The following SLC2A5 variants were observed in gnomAD, a reference collection of about 807,000 sequenced individuals.
SLC2A5 encodes solute carrier family 2, facilitated glucose transporter member 5.
Under a neutral mutation model 50.3 loss-of-function variants are expected in SLC2A5, and 56 were observed. The observed-to-expected ratio is 1.11, with a 90% confidence interval of 0.90 to 1.39. The LOEUF (loss-of-function observed/expected upper bound fraction) is 1.39. SLC2A5 is among the 40% of genes most tolerant of loss of function. The pLI is 0.00. For missense variants in SLC2A5, 566 were observed against 650.1 expected (o/e 0.87, Z 1.41); for synonymous variants, 269 against 281.9 (o/e 0.95, Z 0.46).
upstream of SLC2A5, chr1:9,071,919 C>CGGATCCCCCTCGGCCTCTGCCTCAGCCT (rs1431234779): frequency 1.2e-5 from 2 of 160,992 alleles, no homozygotes; most frequent in Admixed American, 1.3e-4. Context: ...TGCCTCAGCC[C>CGGATCCCCCTCGGCCTCTGCCTCAGCCT]GGGTCCCCCT....
intron 3 of SLC2A5, among the ~76,000 whole-genome samples, chr1:9,053,313 TTGTATTTATATATTATATATTTATATAC>T (rs1641649683): frequency 6.6e-4 from 6 of 9,082 alleles, no homozygotes; most frequent in South Asian, 3.5e-3. Context: ...TATTTATATA[TTGTATTTATATATTATATATTTATATAC>T]TATATATATT....
upstream of SLC2A5, among the ~76,000 whole-genome samples, chr1:9,091,195 C>T (rs1642458209): frequency 6.6e-6 from 1 of 152,210 alleles, no homozygotes; most frequent in African/African-American, 2.4e-5. Flanking sequence ...CAACTACTTA[C>T]TCCCATCCCA....
intron 1 of SLC2A5, among the ~76,000 whole-genome samples, chr1:9,060,228 T>TAC (rs146421589): frequency 1.5e-4 from 16 of 104,654 alleles, no homozygotes; most frequent in Non-Finnish European, 2.2e-4. Flanking sequence ...TAACAAACAA[T>TAC]ACACACACAC....
rs761369914 is a variant in SLC2A5 at position 9,036,108 on chromosome 1, C to T, written c.*1478G>A. 1 of 152,208 alleles carries T rather than the reference C, an allele frequency of 6.6e-6. No individual in the cohort carries two copies. Among genetic ancestry groups the T allele is most frequent in the Admixed American group, 6.5e-5 (1 of 15,280 alleles). 9.4% of individuals were successfully genotyped at this position (152,208 alleles called of 1,614,324 possible). A position where few individuals can be genotyped will look rare whatever the true frequency, so the allele number is the denominator to read the frequency against. On this transcript the variant is annotated 3_prime_UTR_variant, in exon 12 of 12. Transcript: ENST00000377424. ...TTCCCTTCCTCCCCCACCACAGTCT[C>T]AAGATTTTAAGACTCCTCAAGATTT...
Position 9,041,945 on chromosome 1 carries a change from G to A in SLC2A5, c.419-8C>T. The A allele has an allele frequency of 6.3e-7, 1 of 1,580,502 alleles. No individual in the cohort carries two copies. The highest frequency in any genetic ancestry group is 1.9e-5 in the Admixed American group (1 of 53,088). ...CCACGTTGGAAGATACACCTGGGAG[G>A]AGGTGAAATAGAAACACCATCAGAA... On this transcript the variant is annotated splice_region_variant and splice_polypyrimidine_tract_variant and intron_variant, in intron 4 of 11. Transcript: ENST00000377424.
At chr1:9,049,113 A>G in intron 3 of SLC2A5, 1 of 456,222 alleles carries the variant, frequency 2.2e-6, no homozygotes, top group Non-Finnish European at 4.4e-6. Flanking sequence ...GGAGATCCTG[A>G]CAGAAGCAAA....
At chr1:9,046,714 A>C (rs1219877571) in intron 4 of SLC2A5, among the ~76,000 whole-genome samples, 1 of 151,504 alleles carries the variant, frequency 6.6e-6, no homozygotes, top group Non-Finnish European at 1.5e-5. Context: ...GTGAAACAAA[A>C]GTGGGCAATA....
chr1:9,089,424 A>T (rs1257229756), upstream of SLC2A5, among the ~76,000 whole-genome samples: 1 of 152,210 alleles, frequency 6.6e-6, no homozygotes, highest in African/African-American at 2.4e-5. Context: ...TCTGCCCCAG[A>T]TATCTAGAAA....
At position 9,053,219 on chromosome 1, in the gene SLC2A5, T is replaced by C. The variant is rs1465438651; in HGVS notation, c.293+4229A>G. 4.5e-4 allele frequency among the ~76,000 whole-genome samples: 37 copies of C among 81,754 alleles called. No individual in the cohort carries two copies. The East Asian group carries it at 0.011, about 24-fold the overall frequency. 53.6% of individuals were successfully genotyped at this position (81,754 alleles called of 152,430 possible). A position where few individuals can be genotyped will look rare whatever the true frequency, so the allele number is the denominator to read the frequency against. ...ATTTATATATTATATTTATATATTATATATTTATATTATATATTTATATAT... is the reference window on the plus strand; with the variant it reads ...ATTTATATATTATATTTATATATTACATATTTATATTATATATTTATATAT... On this transcript the variant is annotated intron_variant, in intron 3 of 11. Coordinates refer to ENST00000377424, the MANE Select transcript of SLC2A5 (RefSeq NM_003039.3).
intron 3 of SLC2A5, among the ~76,000 whole-genome samples, chr1:9,052,289 A>G (rs551731888): frequency 1.0e-3 from 154 of 152,316 alleles, no homozygotes; most frequent in South Asian, 3.3e-3. Context: ...GTCTCAAAAA[A>G]AAAGAAAGAA....
At chr1:9,041,735 A>G in intron 5 of SLC2A5, 50 bp downstream of exon 5, 1 of 1,613,922 alleles carries the variant, frequency 6.2e-7, no homozygotes, top group East Asian at 2.2e-5. Flanking sequence ...GGAGGGGGCC[A>G]AGGGTAGTGG....
intron 3 of SLC2A5, among the ~76,000 whole-genome samples, chr1:9,056,572 TCA>T (rs1245668931): frequency 2.0e-5 from 3 of 152,088 alleles, no homozygotes; most frequent in Non-Finnish European, 4.4e-5. Context: ...ATCTGTGACC[TCA>T]CTCAGCCCCA....
At chr1:9,077,276 G>T (rs1405338809) in intron 2 of SLC2A5, among the ~76,000 whole-genome samples, 2 of 151,346 alleles carry the variant, frequency 1.3e-5, no homozygotes, top group African/African-American at 4.8e-5. Context: ...CTGCATGCCT[G>T]TAGTCCCAGC....
chr1:9,039,485 C>T (rs949634973), intron 8 of SLC2A5, 67 bp downstream of exon 8: 9 of 1,219,760 alleles, frequency 7.4e-6, no homozygotes, highest in African/African-American at 1.6e-5. Context: ...TTTGGCGGCG[C>T]CGAGGCTGGG....
intron 5 of SLC2A5, chr1:9,041,257 G>T: frequency 2.5e-6 from 1 of 399,754 alleles, no homozygotes; most frequent in Non-Finnish European, 4.4e-6. Context: ...TGCACCTGCC[G>T]CATGCCAGGC....
rs371167568 is a variant in SLC2A5 at position 9,038,455 on chromosome 1, C to A, written c.1150G>T (p.Val384Phe). The change falls in exon 10 of 12, where the codon GTC (valine) becomes TTC (phenylalanine). Residue 384 changes from valine to phenylalanine, a missense_variant. By Grantham distance (50) the Val-to-Phe change is conservative. Coordinates refer to ENST00000377424, the MANE Select transcript of SLC2A5 (RefSeq NM_003039.3). ...YISIVCVISY[V>F]IGHALGPSPI... ...CTGGGCCCGAGGGCATGTCCTATGA[C>A]GTAGGAGATGACACAGACGATGCTG... 32 of 1,613,594 alleles carry A rather than the reference C, an allele frequency of 2.0e-5. 1 individual carries two copies. The highest frequency in any genetic ancestry group is 1.7e-4 in the Middle Eastern group (1 of 6,058).
Position 9,040,319 on chromosome 1 carries a change from C to T in SLC2A5, c.572-130G>A, listed in dbSNP as rs1641267288. 4 of 1,150,174 alleles carry T rather than the reference C, an allele frequency of 3.5e-6. No homozygotes were observed. The highest frequency in any genetic ancestry group is 4.8e-6 in the Non-Finnish European group (4 of 836,796). 71.2% of individuals were successfully genotyped at this position (1,150,174 alleles called of 1,614,324 possible). A position where few individuals can be genotyped will look rare whatever the true frequency, so the allele number is the denominator to read the frequency against. ...CCAGGAGGGCACAGCTTTCCCAGCCCTAAGAACAGCAACTCCCGACGGTGG... is the reference window on the plus strand; with the variant it reads ...CCAGGAGGGCACAGCTTTCCCAGCCTTAAGAACAGCAACTCCCGACGGTGG... On this transcript the variant is annotated intron_variant, in intron 5 of 11. Transcript: ENST00000377424. This position sits in a 1 kb window ranked among gnomAD's most constrained non-coding sequence, Gnocchi z 4.3.
At chr1:9,053,157 T>TTATATTAC (rs1641634053) in intron 3 of SLC2A5, among the ~76,000 whole-genome samples, 1 of 86,030 alleles carries the variant, frequency 1.2e-5, no homozygotes, top group African/African-American at 4.8e-5. Context: ...ATATATATTT[T>TTATATTAC]ATATATTTAT....
At chr1:9,063,703 T>A (rs1335211206) in intron 1 of SLC2A5, among the ~76,000 whole-genome samples, 5 of 108,000 alleles carry the variant, frequency 4.6e-5, no homozygotes, top group African/African-American at 1.7e-4. Flanking sequence ...TTTTTTTTTT[T>A]TTTTTTTTTG....
Sources: allele counts gnomAD v4.1 joint callset (sites outside exome capture counted in the v4.1 genomes callset), GRCh38; gene constraint gnomAD v4.1.1; non-coding constraint Gnocchi (gnomAD v3.1); transcripts MANE v1.5; gene names NCBI Gene and HGNC (gene_info 2026-07-23, HGNC 2026-07-21).